ABR: variants seen among roughly 807,000 people sequenced by gnomAD.
The protein encoded by ABR is ABR activator of RhoGEF and GTPase.
Under a neutral mutation model 107.2 loss-of-function variants are expected in ABR, and 35 were observed. The ratio of observed to expected loss-of-function variants is 0.33; its 90% CI spans 0.25 to 0.43. The LOEUF is 0.43. Ranked by LOEUF, ABR falls within the 20% of genes least tolerant of loss-of-function variation. The pLI is 1.00. For missense variants in ABR, 815 were observed against 1,115.2 expected, an observed-to-expected ratio of 0.73 and a Z score of 3.83; for synonymous variants, 498 against 462.0, an observed-to-expected ratio of 1.08 and a Z score of -1.00.
intron 16 of ABR, chr17:1,031,896 GTCCGCGTCCCTCCTCCCTCCTCCCTCC>G (rs2072828989): frequency 4.2e-5 from 21 of 500,066 alleles, no homozygotes; most frequent in South Asian, 9.5e-5. Flanking sequence ...CCCTCCCTCC[GTCCGCGTCCCTCCTCCCTCCTCCCTCC>G]TCCGCATCCC....
At chr17:1,119,931 C>CA (rs11427435) in intron 2 of ABR, among the ~76,000 whole-genome samples, 112,574 of 151,938 alleles carry the variant, frequency 0.74, 41,893 homozygotes, top group East Asian at 0.89. Flanking sequence ...GTCACCCAGG[C>CA]GGGGTACAAT....
At chr17:1,031,135 C>T (rs2072700827) in intron 16 of ABR, among the ~76,000 whole-genome samples, 1 of 152,080 alleles carries the variant, frequency 6.6e-6, no homozygotes, top group Non-Finnish European at 1.5e-5. Context: ...CCAGACCCGG[C>T]AGCATCTCCC....
intron 1 of ABR, among the ~76,000 whole-genome samples, chr17:1,193,338 T>C (rs573301846): frequency 6.8e-6 from 1 of 147,960 alleles, no homozygotes; most frequent in Admixed American, 6.8e-5. Flanking sequence ...TGAACGCCCT[T>C]CGGCCGACGT....
At chr17:1,067,856 T>C (rs1175119540) in intron 9 of ABR, among the ~76,000 whole-genome samples, 5 of 152,370 alleles carry the variant, frequency 3.3e-5, no homozygotes, top group African/African-American at 7.2e-5. Context: ...GTGCTTATTA[T>C]TGCCATCTCT....
chr17:1,025,720 C>T (rs1200463234), intron 16 of ABR, among the ~76,000 whole-genome samples: 1 of 152,214 alleles, frequency 6.6e-6, no homozygotes, highest in African/African-American at 2.4e-5. Context: ...ATCCCCCCGT[C>T]ACTCTCTACT....
At chr17:1,072,293 G>A (rs1035785400) in intron 8 of ABR, among the ~76,000 whole-genome samples, 2 of 152,176 alleles carry the variant, frequency 1.3e-5, no homozygotes, top group East Asian at 1.9e-4. Flanking sequence ...GGTGACCAAG[G>A]GCTGAAAACC....
At chr17:1,032,972 G>A (rs578075081) in intron 16 of ABR, among the ~76,000 whole-genome samples, 26 of 152,310 alleles carry the variant, frequency 1.7e-4, no homozygotes, top group African/African-American at 6.3e-4. Flanking sequence ...TGGTGTTACT[G>A]CCCTGTTCTA....
chr17:1,100,405 G>A lies in ABR; in HGVS notation c.345+232C>T, dbSNP rs993343625. 2.6e-5 allele frequency among the ~76,000 whole-genome samples: 4 copies of A among 152,220 alleles called. No homozygotes were observed. The East Asian group carries it at 5.8e-4, about 22-fold the overall frequency. On this transcript the variant is annotated intron_variant, in intron 3 of 22. Coordinates refer to ENST00000302538, the MANE Select transcript of ABR (RefSeq NM_021962.5). The stretch of plus-strand genomic sequence containing the variant: ...CAGGTGTGTTTGCCATCTCTAAGCC[G>A]GGTGTGCTTCTCCTGCCTTTTGAGA...
chr17:1,187,854 A>ACC (rs2042343508), upstream of ABR, among the ~76,000 whole-genome samples: 1 of 151,948 alleles, frequency 6.6e-6, no homozygotes, highest in South Asian at 2.1e-4. Context: ...AGATCATGCC[A>ACC]CCGCACTCCA....
Position 1,142,586 on chromosome 17 carries a change from A to G in ABR, c.62-17219T>C, listed in dbSNP as rs1336671900. Among the ~76,000 whole-genome samples the G allele has an allele frequency of 1.3e-4, 17 of 130,206 alleles. No homozygotes were observed. The East Asian group carries it at 4.1e-3, about 32-fold the overall frequency. 85.4% of individuals were successfully genotyped at this position (130,206 alleles called of 152,430 possible). On this transcript the variant is annotated intron_variant, in intron 1 of 22. Transcript: ENST00000302538. ...GGCGATAAGAGCGAAACTCCATCTC[A>G]AAAAAAAAAAAAAAATACTCTGAAG...
chr17:1,069,635 G>A (rs547566674), intron 9 of ABR, among the ~76,000 whole-genome samples: 5 of 152,118 alleles, frequency 3.3e-5, no homozygotes, highest in South Asian at 2.1e-4. Context: ...TCGCACCACT[G>A]CACTCCAGCC....
At chr17:1,130,491 C>G (rs1456249289) in intron 1 of ABR, among the ~76,000 whole-genome samples, 1 of 152,106 alleles carries the variant, frequency 6.6e-6, no homozygotes, top group Non-Finnish European at 1.5e-5. Context: ...CAGCCCCGCT[C>G]CTCAGCTCAA....
At chr17:1,065,647 A>T (rs1186097770) in intron 10 of ABR, among the ~76,000 whole-genome samples, 2 of 151,994 alleles carry the variant, frequency 1.3e-5, no homozygotes, top group African/African-American at 4.8e-5. Flanking sequence ...GGTATGTAGT[A>T]CACTCATTTC....
chr17:1,108,880 T>C (rs1365006133), intron 2 of ABR: 8 of 1,506,202 alleles, frequency 5.3e-6, no homozygotes, highest in Non-Finnish European at 7.1e-6. Flanking sequence ...CCCGCGCACC[T>C]TCGGCAGCGC....
At chr17:1,213,000 G>A (rs183541665) in intron 1 of ABR, among the ~76,000 whole-genome samples, 2 of 152,196 alleles carry the variant, frequency 1.3e-5, no homozygotes, top group Non-Finnish European at 2.9e-5. Flanking sequence ...CTAAAGGAGT[G>A]TGAAATTCCC....
intron 1 of ABR, among the ~76,000 whole-genome samples, chr17:1,136,004 C>T (rs2440769): frequency 0.94 from 143,484 of 151,986 alleles, 68,243 homozygotes; most frequent in East Asian, 1. Flanking sequence ...TTGAGCATTA[C>T]TCCTAAAGTC....
At chr17:1,130,781 C>T (rs1255651718) in intron 1 of ABR, among the ~76,000 whole-genome samples, 1 of 152,148 alleles carries the variant, frequency 6.6e-6, no homozygotes, top group Non-Finnish European at 1.5e-5. Flanking sequence ...GGGGAAAACA[C>T]AGACAGAAGA....
In ABR at chr17:1,100,640, C is replaced by T. The variant is rs775482525; in HGVS notation, c.342G>A (p.Leu114=). ...CCAGAGCAGGGACTGTACTCACCAG[C>T]AACAGGGCTTCCAGCTGGTTAATGT... is the stretch of plus-strand genomic sequence containing the variant. ...EIYINQLEAL[L]LPMKPLKATA... is the part of the protein sequence containing the mutation. The change falls in exon 3 of 23, where the codon TTG becomes TTA. Residue 114 remains leucine (L), a synonymous_variant. Transcript: ENST00000302538. 13 of 1,614,030 alleles carry T rather than the reference C, an allele frequency of 8.1e-6. No homozygotes were observed. The highest frequency in any genetic ancestry group is 1.1e-5 in the Non-Finnish European group (13 of 1,180,022).
At chr17:1,206,245 T>C (rs1353504333) in intron 1 of ABR, among the ~76,000 whole-genome samples, 1 of 152,204 alleles carries the variant, frequency 6.6e-6, no homozygotes, top group African/African-American at 2.4e-5. Context: ...GGTTAGACAC[T>C]GATGCGTTTA....
Sources: allele counts gnomAD v4.1 joint callset (sites outside exome capture counted in the v4.1 genomes callset), GRCh38; gene constraint gnomAD v4.1.1; transcripts MANE v1.5; gene names NCBI Gene and HGNC (gene_info 2026-07-23, HGNC 2026-07-21).